CLIC4: variants seen among roughly 807,000 people sequenced by gnomAD.
CLIC4 encodes the protein chloride intracellular channel protein 4.
Under a neutral mutation model 24.6 loss-of-function variants are expected in CLIC4, and 13 were observed. The observed-to-expected ratio is 0.53, with a 90% confidence interval of 0.34 to 0.84. The LOEUF (loss-of-function observed/expected upper bound fraction) is 0.84. Ranked by LOEUF, CLIC4 falls within the 40% of genes least tolerant of loss-of-function variation. The pLI is 0.01. For missense variants in CLIC4, 227 were observed against 301.7 expected (o/e 0.75, Z 1.83); for synonymous variants, 104 against 111.3 (o/e 0.93, Z 0.41).
intron 1 of CLIC4, among the ~76,000 whole-genome samples, chr1:24,771,378 C>G (rs553430189): frequency 6.6e-6 from 1 of 152,140 alleles, no homozygotes; most frequent in Non-Finnish European, 1.5e-5. Flanking sequence ...TCTGAATCAC[C>G]TTTAATTACA....
intron 2 of CLIC4, among the ~76,000 whole-genome samples, chr1:24,806,596 T>C (rs1309652650): frequency 6.6e-6 from 1 of 152,206 alleles, no homozygotes; most frequent in African/African-American, 2.4e-5. Flanking sequence ...GGTAATCATA[T>C]GTCCTTTAAA....
intron 2 of CLIC4, among the ~76,000 whole-genome samples, chr1:24,804,250 T>C (rs1235981949): frequency 6.6e-6 from 1 of 151,944 alleles, no homozygotes; most frequent in East Asian, 1.9e-4. Context: ...TTTTCCCCTT[T>C]GTAAAGTTGA....
chr1:24,827,649 A>G (rs1009079416), intron 4 of CLIC4, among the ~76,000 whole-genome samples: 3 of 150,432 alleles, frequency 2.0e-5, no homozygotes, highest in African/African-American at 4.9e-5. Context: ...TAGACATACT[A>G]TCCTTCCAAA....
At chr1:24,754,988 C>G (rs1432794627) in intron 1 of CLIC4, among the ~76,000 whole-genome samples, 2 of 149,892 alleles carry the variant, frequency 1.3e-5, no homozygotes, top group African/African-American at 4.9e-5. Context: ...AGGAGAATTG[C>G]TTTAACCTGG....
intron 2 of CLIC4, among the ~76,000 whole-genome samples, chr1:24,803,011 G>A (rs766614681): frequency 1.3e-5 from 2 of 151,942 alleles, no homozygotes; most frequent in African/African-American, 2.4e-5. Flanking sequence ...GCCTGGCCTC[G>A]TCCAAATCTT....
chr1:24,825,651 A>G (rs1468806837), intron 3 of CLIC4, among the ~76,000 whole-genome samples: 1 of 152,258 alleles, frequency 6.6e-6, no homozygotes, highest in Non-Finnish European at 1.5e-5. Flanking sequence ...TGTCTTGAGC[A>G]TATAGGTGTT....
intron 1 of CLIC4, among the ~76,000 whole-genome samples, chr1:24,772,310 A>G (rs1639079665): frequency 6.6e-6 from 1 of 152,206 alleles, no homozygotes; most frequent in South Asian, 2.1e-4. Context: ...TATTTGAGTA[A>G]CCTGTGCATT....
chr1:24,745,532 G>T lies in CLIC4; in HGVS notation c.-22G>T. ...GCAGCAGCAGCAGCCCTCGCCGTTC[G>T]CGGAGCGCAGCCGAGCCGGCCATGG... On this transcript the variant is annotated 5_prime_UTR_variant, in exon 1 of 6. Transcript: ENST00000374379. 6.4e-7 allele frequency: 1 copy of T among 1,572,238 alleles called. No individual in the cohort carries two copies. Among genetic ancestry groups the T allele is most frequent in the African/African-American group, 1.4e-5 (1 of 72,484 alleles).
chr1:24,800,768 C>A (rs1045472160), intron 2 of CLIC4, among the ~76,000 whole-genome samples: 1 of 152,136 alleles, frequency 6.6e-6, no homozygotes, highest in African/African-American at 2.4e-5. Flanking sequence ...GACCTTACCC[C>A]CAACCCTGTG....
rs575117692 is a variant in CLIC4, at chr1:24,745,783, C to T, written c.72+158C>T. Among the ~76,000 whole-genome samples, 121 of 151,800 alleles carry T rather than the reference C, an allele frequency of 8.0e-4. No individual in the cohort carries two copies. The East Asian group carries it at 0.022, about 28-fold the overall frequency. ...CCCCGGCCCATTGTCTGGGGGCCGC[C>T]CGCGCCTTCCCGCCTCCGAGGGCCC... On this transcript the variant is annotated intron_variant, in intron 1 of 5. Coordinates refer to ENST00000374379, the MANE Select transcript of CLIC4 (RefSeq NM_013943.3).
At chr1:24,777,497 T>A (rs1459422999) in intron 1 of CLIC4, among the ~76,000 whole-genome samples, 1 of 152,068 alleles carries the variant, frequency 6.6e-6, no homozygotes, top group Non-Finnish European at 1.5e-5. Flanking sequence ...TGAGCCGAGA[T>A]CACGCCGCTG....
intron 2 of CLIC4, among the ~76,000 whole-genome samples, chr1:24,808,127 G>T (rs1027972234): frequency 6.6e-6 from 1 of 152,024 alleles, no homozygotes; most frequent in Non-Finnish European, 1.5e-5. Context: ...TGTATTTTTA[G>T]TAGAGATGGT....
At chr1:24,786,214 A>G (rs1216731631) in intron 1 of CLIC4, among the ~76,000 whole-genome samples, 1 of 152,228 alleles carries the variant, frequency 6.6e-6, no homozygotes, top group Non-Finnish European at 1.5e-5. Flanking sequence ...ATAAATAAAG[A>G]GAAGAATGAA....
chr1:24,788,263 T>TA (rs1305647035), intron 1 of CLIC4, among the ~76,000 whole-genome samples: 1 of 152,204 alleles, frequency 6.6e-6, no homozygotes, highest in Non-Finnish European at 1.5e-5. Flanking sequence ...GTGCTGGGAT[T>TA]ATAGATGTTA....
chr1:24,785,628 C>T (rs1448681985), intron 1 of CLIC4, among the ~76,000 whole-genome samples: 4 of 152,040 alleles, frequency 2.6e-5, no homozygotes, highest in East Asian at 1.9e-4. Flanking sequence ...CCAAGGTGGG[C>T]GGATCATGAG....
Position 24,841,036 on chromosome 1 carries a change from C to A in CLIC4, c.*99C>A. On this transcript the variant is annotated 3_prime_UTR_variant, in exon 6 of 6. Coordinates refer to ENST00000374379, the MANE Select transcript of CLIC4 (RefSeq NM_013943.3). The stretch of plus-strand genomic sequence containing the variant: ...TGTAGAGCAGAAATTGTATTTTGCA[C>A]GAACATGCAGTTATTGAAGATTAGG... 1.0e-6 allele frequency: 1 copy of A among 996,392 alleles called. No homozygotes were observed. Among genetic ancestry groups the A allele is most frequent in the South Asian group, 1.8e-5 (1 of 55,444 alleles). The allele number at this position is 996,392 out of a possible 1,614,324, so 61.7% of individuals were successfully genotyped here.
chr1:24,826,532 GC>G (rs1639788455), intron 3 of CLIC4, among the ~76,000 whole-genome samples: 1 of 152,196 alleles, frequency 6.6e-6, no homozygotes, highest in Non-Finnish European at 1.5e-5. Context: ...TGTGACTAGT[GC>G]AACTGAGGAA....
chr1:24,780,719 T>G (rs1293422588), intron 1 of CLIC4, among the ~76,000 whole-genome samples: 1 of 152,226 alleles, frequency 6.6e-6, no homozygotes, highest in African/African-American at 2.4e-5. Context: ...CCAGATTTAC[T>G]GAATCGGAAT....
intron 3 of CLIC4, among the ~76,000 whole-genome samples, chr1:24,818,446 C>G (rs1220155150): frequency 1.3e-5 from 2 of 152,040 alleles, no homozygotes; most frequent in South Asian, 2.1e-4. Context: ...GCCACCATGC[C>G]TGGCTAATTT....
Sources: gnomAD v4.1 joint callset for allele counts (sites outside exome capture counted in the v4.1 genomes callset) on GRCh38, gnomAD v4.1.1 for gene constraint, MANE v1.5 for transcripts, NCBI Gene and HGNC (gene_info 2026-07-23, HGNC 2026-07-21) for gene names.